Variants in PTPRT observed in about 807,000 individuals in gnomAD.
The protein encoded by PTPRT is protein tyrosine phosphatase receptor type T.
In PTPRT, 56 loss-of-function variants were observed where a neutral mutation model predicts 176.8. The ratio of observed to expected loss-of-function variants is 0.32; its 90% CI spans 0.26 to 0.40. The LOEUF (loss-of-function observed/expected upper bound fraction) is 0.40. Ranked by LOEUF, PTPRT falls within the 10% of genes least tolerant of loss-of-function variation. The pLI is 1.00. For missense variants in PTPRT, 1,540 were observed against 1,908.2 expected, an observed-to-expected ratio of 0.81 and a Z score of 3.60; for synonymous variants, 783 against 739.0, an observed-to-expected ratio of 1.06 and a Z score of -0.96.
chr20:43,012,339 T>C (rs755275494), intron 1 of PTPRT, among the ~76,000 whole-genome samples: 21 of 152,122 alleles, frequency 1.4e-4, no homozygotes, highest in Admixed American at 2.6e-4. Context: ...AGGACAAATA[T>C]TGTATGATTA....
At chr20:42,483,137 T>A in intron 7 of PTPRT, among the ~76,000 whole-genome samples, 1 of 152,162 alleles carries the variant, frequency 6.6e-6, no homozygotes, top group East Asian at 1.9e-4. Context: ...CACTCTTCCC[T>A]CTCTATTCCC....
rs724159840 is a variant in PTPRT at position 42,082,030 on chromosome 20, C to T, written c.4137-13G>A. 1 of 1,614,086 alleles carries T rather than the reference C, an allele frequency of 6.2e-7. No homozygotes were observed. The highest frequency in any genetic ancestry group is 8.5e-7 in the Non-Finnish European group (1 of 1,180,012). Reference sequence around the variant, plus strand: ...GCCTCCCCCATTTCTAAACACAGAGCAAAGAGGTGAGCCATGTTCCTAGGT... The same window carrying T: ...GCCTCCCCCATTTCTAAACACAGAGTAAAGAGGTGAGCCATGTTCCTAGGT... On this transcript the variant is annotated splice_polypyrimidine_tract_variant and intron_variant, in intron 29 of 30. Coordinates refer to ENST00000373187, the MANE Select transcript of PTPRT (RefSeq NM_007050.6).
intron 7 of PTPRT, among the ~76,000 whole-genome samples, chr20:42,480,552 G>A (rs971226073): frequency 1.3e-5 from 2 of 152,186 alleles, no homozygotes; most frequent in Non-Finnish European, 2.9e-5. Context: ...CAGGCATTAG[G>A]GATGTAGGTG....
chr20:42,216,993 A>G (rs1049673884), intron 15 of PTPRT, among the ~76,000 whole-genome samples: 1 of 152,126 alleles, frequency 6.6e-6, no homozygotes, highest in Non-Finnish European at 1.5e-5. Context: ...ATATTTTGAG[A>G]ACTACTGGTC....
At chr20:42,966,581 G>A (rs1275338637) in intron 1 of PTPRT, among the ~76,000 whole-genome samples, 1 of 152,172 alleles carries the variant, frequency 6.6e-6, no homozygotes, top group Non-Finnish European at 1.5e-5. Context: ...GAAACTCTGA[G>A]AACATACACC....
intron 1 of PTPRT, among the ~76,000 whole-genome samples, chr20:42,932,244 T>C (rs1384270290): frequency 6.6e-6 from 1 of 152,216 alleles, no homozygotes; most frequent in Non-Finnish European, 1.5e-5. Context: ...AGGGGAAATC[T>C]GGACCTCCCC....
At chr20:42,248,648 C>T (rs6072668) in intron 14 of PTPRT, 39 bp downstream of exon 14, 68,895 of 1,608,132 alleles carry the variant, frequency 0.043, 1,724 homozygotes, top group Non-Finnish European at 0.051. Flanking sequence ...GAGGTCACCT[C>T]GGGTCAGCAG....
At chr20:42,540,947 A>G (rs996685261) in intron 7 of PTPRT, among the ~76,000 whole-genome samples, 4 of 152,174 alleles carry the variant, frequency 2.6e-5, no homozygotes, top group Non-Finnish European at 5.9e-5. Flanking sequence ...ATAATGGTAC[A>G]GTGGAAAAGT....
At chr20:42,539,664 A>G (rs924728577) in intron 7 of PTPRT, among the ~76,000 whole-genome samples, 2 of 152,010 alleles carry the variant, frequency 1.3e-5, no homozygotes, top group Non-Finnish European at 2.9e-5. Context: ...ATGCATTTAA[A>G]AAAAAAAACA....
At chr20:42,051,862 A>G in the PTPRT span, among the ~76,000 whole-genome samples, 1 of 152,286 alleles carries the variant, frequency 6.6e-6, no homozygotes, top group Middle Eastern at 3.4e-3. Context: ...TCTGTTTTTG[A>G]GCGTCCACAT....
intron 1 of PTPRT, among the ~76,000 whole-genome samples, chr20:43,112,019 A>G (rs1022044427): frequency 6.6e-6 from 1 of 152,020 alleles, no homozygotes; most frequent in Non-Finnish European, 1.5e-5. Flanking sequence ...CCTCCCGCCC[A>G]CTCCAGGGGA....
chr20:42,195,052 G>C (rs1991154396), intron 16 of PTPRT, among the ~76,000 whole-genome samples: 1 of 152,074 alleles, frequency 6.6e-6, no homozygotes, highest in African/African-American at 2.4e-5. Flanking sequence ...TACACCTAAT[G>C]TTAAATGACG....
At chr20:42,481,615 C>T (rs775540958) in intron 7 of PTPRT, among the ~76,000 whole-genome samples, 23 of 151,880 alleles carry the variant, frequency 1.5e-4, no homozygotes, top group Non-Finnish European at 2.6e-4. Flanking sequence ...GTACTCATCA[C>T]ATCTGGTTAG....
At chr20:42,777,921 G>T (rs766103929) in intron 4 of PTPRT, among the ~76,000 whole-genome samples, 6 of 152,184 alleles carry the variant, frequency 3.9e-5, no homozygotes, top group Non-Finnish European at 5.9e-5. Context: ...TTTCTGGGAA[G>T]TTTATGCTTA....
intron 17 of PTPRT, among the ~76,000 whole-genome samples, chr20:42,159,204 CTTTT>C (rs36084546): frequency 3.2e-5 from 4 of 124,958 alleles, no homozygotes; most frequent in Admixed American, 2.4e-4. Context: ...TCCTTTCTTT[CTTTT>C]TTTTTTTTCA....
chr20:42,336,716 C>T (rs1005752921), intron 11 of PTPRT, among the ~76,000 whole-genome samples: 2 of 151,452 alleles, frequency 1.3e-5, no homozygotes, highest in African/African-American at 4.9e-5. Flanking sequence ...ACAAAAAAAA[C>T]TGGAAATGAC....
At chr20:42,903,853 T>C (rs2079440011) in intron 1 of PTPRT, among the ~76,000 whole-genome samples, 1 of 152,214 alleles carries the variant, frequency 6.6e-6, no homozygotes, top group Admixed American at 6.5e-5. Flanking sequence ...ACAGCTGAAC[T>C]AGCACGTCAC....
intron 6 of PTPRT, among the ~76,000 whole-genome samples, chr20:42,719,611 T>C (rs1217044950): frequency 6.6e-6 from 1 of 152,206 alleles, no homozygotes; most frequent in Non-Finnish European, 1.5e-5. Context: ...AAGAGTATTG[T>C]TAAAGGCTAT....
intron 9 of PTPRT, among the ~76,000 whole-genome samples, chr20:42,433,750 C>T (rs774785410): frequency 9.2e-5 from 14 of 152,226 alleles, no homozygotes; most frequent in Non-Finnish European, 1.8e-4. Context: ...TCCATGTCTA[C>T]TGAACATAGT....
Sources: allele counts gnomAD v4.1 joint callset (sites outside exome capture counted in the v4.1 genomes callset), GRCh38; gene constraint gnomAD v4.1.1; transcripts MANE v1.5; gene names NCBI Gene and HGNC (gene_info 2026-07-23, HGNC 2026-07-21).